The following ABCG8 variants were observed in gnomAD, a reference collection of about 807,000 sequenced individuals.
ABCG8 encodes ATP-binding cassette sub-family G member 8.
Under a neutral mutation model 71.3 loss-of-function variants are expected in ABCG8, and 81 were observed. The ratio of observed to expected loss-of-function variants is 1.14; its 90% confidence interval spans 0.95 to 1.37. ABCG8 has a LOEUF of 1.37. ABCG8 is among the 40% of genes most tolerant of loss of function. The probability of loss-of-function intolerance (pLI) is 0.00; values close to 1 mark genes in which losing one functional copy is unlikely to be tolerated. For synonymous variants in ABCG8, 451 were observed against 354.7 expected (o/e 1.27, Z -3.05); for missense variants, 1,119 against 866.2 (o/e 1.29, Z -3.66).
At chr2:43,842,375 G>A (rs567833279) in intron 1 of ABCG8, among the ~76,000 whole-genome samples, 4 of 152,304 alleles carry the variant, frequency 2.6e-5, no homozygotes, top group South Asian at 2.1e-4. Flanking sequence ...ATGAAGCAAT[G>A]TGCACAGTGA....
intron 3 of ABCG8, among the ~76,000 whole-genome samples, chr2:43,849,709 G>A (rs546298512): frequency 3.0e-4 from 46 of 152,214 alleles, no homozygotes; most frequent in Admixed American, 1.1e-3. Context: ...TGTTGGTGAA[G>A]TCCTCTGTGT....
intron 3 of ABCG8, chr2:43,847,252 C>G (rs1428652156): frequency 6.6e-6 from 1 of 152,146 alleles, no homozygotes; most frequent in African/African-American, 2.4e-5. Flanking sequence ...ACATTCTGCT[C>G]CAAACTTTTA....
intron 2 of ABCG8, among the ~76,000 whole-genome samples, chr2:43,845,691 G>A (rs892847305): frequency 6.6e-6 from 1 of 151,378 alleles, no homozygotes; most frequent in Admixed American, 6.6e-5. Flanking sequence ...GTGCAATCTT[G>A]GCTGACTGCA....
intron 8 of ABCG8, among the ~76,000 whole-genome samples, chr2:43,873,429 C>T (rs775394620): frequency 7.9e-5 from 12 of 152,038 alleles, no homozygotes; most frequent in South Asian, 2.1e-4. Context: ...TGGCCTCAAG[C>T]GATCCACCTG....
At chr2:43,872,166 G>C in intron 7 of ABCG8, 28 bp downstream of exon 7, 15 of 1,614,044 alleles carry the variant, frequency 9.3e-6, no homozygotes, top group Non-Finnish European at 1.3e-5. Context: ...TCTGAGAGGA[G>C]AGCTCCCTGC....
chr2:43,869,839 C>T (rs529422178), intron 6 of ABCG8, among the ~76,000 whole-genome samples: 1 of 152,076 alleles, frequency 6.6e-6, no homozygotes, highest in Non-Finnish European at 1.5e-5. Context: ...CCCTCACTAT[C>T]TGTCTGGATG....
In ABCG8 at chr2:43,881,317, T is replaced by C. The variant is rs1469632726; in HGVS notation, c.*3404T>C. Reference sequence around the variant, plus strand: ...ACCCTGGTTGCCCATGCTGGAGCTTTAACAAAAGCCAATGTGGACCCATTG... The same window carrying C: ...ACCCTGGTTGCCCATGCTGGAGCTTCAACAAAAGCCAATGTGGACCCATTG... On this transcript the variant is annotated 3_prime_UTR_variant, in exon 13 of 13. Coordinates refer to ENST00000272286, the MANE Select transcript of ABCG8 (RefSeq NM_022437.3). The C allele has an allele frequency of 6.6e-6, 1 of 152,252 alleles. No individual in the cohort carries two copies. Among genetic ancestry groups the C allele is most frequent in the Non-Finnish European group, 1.5e-5 (1 of 68,060 alleles). 9.4% of individuals were successfully genotyped at this position (152,252 alleles called of 1,614,324 possible). A position where few individuals can be genotyped will look rare whatever the true frequency, so the allele number is the denominator to read the frequency against.
At chr2:43,847,848 C>T (rs533300148) in intron 3 of ABCG8, 1 of 148,220 alleles carries the variant, frequency 6.7e-6, no homozygotes, top group East Asian at 2.0e-4. Flanking sequence ...GCAACCCGCT[C>T]CTCCTGGGTT....
intron 11 of ABCG8, 98 bp downstream of exon 11, chr2:43,875,511 C>T: frequency 6.8e-7 from 1 of 1,463,188 alleles, no homozygotes; most frequent in South Asian, 1.3e-5. Context: ...TCACTTAGAT[C>T]CAACTCGAGG....
intron 4 of ABCG8, 29 bp from the exon 5 acceptor site, chr2:43,852,325 G>T: frequency 6.2e-7 from 1 of 1,611,944 alleles, no homozygotes; most frequent in African/African-American, 1.3e-5. Context: ...GGCCCCTGAG[G>T]TGGCCTCAAA....
In ABCG8 at chr2:43,841,293, A is replaced by G. The variant is rs550042778; in HGVS notation, c.63+2177A>G. On this transcript the variant is annotated intron_variant, in intron 1 of 12. Coordinates refer to ENST00000272286, the MANE Select transcript of ABCG8 (RefSeq NM_022437.3). ...TGATCAGAAGTTAATACGAGGAGAA[A>G]TTACAATGTAGCCCAGCATGAGCAG... Among the ~76,000 whole-genome samples, 236 of 152,312 alleles carry G rather than the reference A, an allele frequency of 1.5e-3. 1 individual carries two copies. The highest frequency in any genetic ancestry group is 5.4e-3 in the African/African-American group (223 of 41,570).
At chr2:43,853,830 C>T (rs983937182) in intron 6 of ABCG8, among the ~76,000 whole-genome samples, 8 of 152,190 alleles carry the variant, frequency 5.3e-5, no homozygotes, top group Admixed American at 5.2e-4. Flanking sequence ...GACTCCTCGT[C>T]CAGCAGCCCA....
intron 9 of ABCG8, 146 bp from the exon 10 acceptor site, chr2:43,874,261 G>T (rs1669881112): frequency 2.5e-6 from 2 of 812,170 alleles, no homozygotes; most frequent in Non-Finnish European, 4.1e-6. Context: ...AATTAGGATG[G>T]CTTTACTGTG....
intron 1 of ABCG8, among the ~76,000 whole-genome samples, chr2:43,843,623 C>T (rs984324867): frequency 2.6e-5 from 4 of 152,058 alleles, no homozygotes; most frequent in Non-Finnish European, 5.9e-5. Context: ...CACTGCACTC[C>T]ATCCTGGGTG....
chr2:43,852,357 G>T lies in ABCG8; in HGVS notation c.565G>T (p.Glu189Ter). The change falls in exon 5 of 13, where the codon GAG becomes TAG. Residue 189 changes from glutamate to a stop codon, truncating the protein, a stop_gained. Coordinates refer to ENST00000272286, the MANE Select transcript of ABCG8 (RefSeq NM_022437.3). LOFTEE classifies it high-confidence loss of function. ...FSQAQRDKRV[E>*]DVIAELRLRQ... ...CAAAGCTCCTTCTGGCCCACAGGTG[G>T]AGGACGTGATCGCGGAGCTGCGGCT... 1 of 1,612,228 alleles carries T rather than the reference G, an allele frequency of 6.2e-7. No homozygotes were observed. The highest frequency in any genetic ancestry group is 1.3e-5 in the African/African-American group (1 of 75,004).
intron 6 of ABCG8, among the ~76,000 whole-genome samples, chr2:43,863,195 C>A (rs1387252220): frequency 6.6e-6 from 1 of 151,016 alleles, no homozygotes; most frequent in Non-Finnish European, 1.5e-5. Flanking sequence ...CACTACCTAT[C>A]TGGATATAAT....
In ABCG8 at chr2:43,877,593, C is replaced by T. The variant is rs776778929; in HGVS notation, c.1789C>T (p.Arg597Trp). The part of the protein sequence containing the change: ...PAWISKVSFL[R>W]WCFEGLMKIQ... The stretch of plus-strand genomic sequence containing the variant: ...GTGGATTTCCAAAGTGTCCTTCCTG[C>T]GGTGGTGTTTTGAAGGGCTGATGAA... The change falls in exon 12 of 13, where the codon CGG becomes TGG. Residue 597 changes from arginine to tryptophan, a missense_variant. By Grantham distance (101) the Arg-to-Trp change is moderately radical. Coordinates refer to ENST00000272286, the MANE Select transcript of ABCG8 (RefSeq NM_022437.3). 1.2e-6 allele frequency: 2 copies of T among 1,614,032 alleles called. No homozygotes were observed. The highest frequency in any genetic ancestry group is 1.1e-5 in the South Asian group (1 of 91,080).
intron 6 of ABCG8, among the ~76,000 whole-genome samples, chr2:43,859,569 G>A (rs1184985969): frequency 6.8e-6 from 1 of 146,794 alleles, no homozygotes; most frequent in African/African-American, 2.5e-5. Flanking sequence ...TTCTCACTCT[G>A]TGGATAGAAC....
In ABCG8 at chr2:43,878,356, C is replaced by A; in HGVS notation, c.*443C>A. On this transcript the variant is annotated 3_prime_UTR_variant, in exon 13 of 13. Coordinates refer to ENST00000272286, the MANE Select transcript of ABCG8 (RefSeq NM_022437.3). ...CCCACACTCCGTGGTGAGCCACCAT[C>A]AATACAGAAAGTGACCTAAGATGTA... 3.5e-6 allele frequency: 1 copy of A among 288,896 alleles called. No individual in the cohort carries two copies. Among genetic ancestry groups the A allele is most frequent in the Non-Finnish European group, 6.8e-6 (1 of 146,466 alleles). The allele number at this position is 288,896 out of a possible 1,614,324, so 17.9% of individuals were successfully genotyped here.
Sources: allele counts gnomAD v4.1 joint callset (sites outside exome capture counted in the v4.1 genomes callset), GRCh38; gene constraint gnomAD v4.1.1; transcripts MANE v1.5; gene names NCBI Gene and HGNC (gene_info 2026-07-23, HGNC 2026-07-21).